Variants in EPGN observed in about 807,000 individuals in gnomAD.
The protein encoded by EPGN is epithelial mitogen.
In EPGN, 21 loss-of-function variants were observed where a neutral mutation model predicts 20.7. That is an observed-to-expected ratio of 1.01 (90% CI 0.72 to 1.46). The LOEUF (loss-of-function observed/expected upper bound fraction) is 1.46. Ranked by LOEUF, EPGN falls within the 40% of genes most tolerant of loss-of-function variation. The probability of loss-of-function intolerance (pLI) is 0.00; values close to 1 mark genes in which losing one functional copy is unlikely to be tolerated. For missense variants in EPGN, 199 were observed against 180.7 expected, an observed-to-expected ratio of 1.10 and a Z score of -0.58; for synonymous variants, 69 against 63.8, an observed-to-expected ratio of 1.08 and a Z score of -0.39.
chr4:74,315,037 G>A lies in EPGN; in HGVS notation c.*400G>A, dbSNP rs1263417046. The A allele has an allele frequency of 5.5e-6, 1 of 182,334 alleles. No homozygotes were observed. The highest frequency in any genetic ancestry group is 1.1e-5 in the Non-Finnish European group (1 of 88,170). The allele number at this position is 182,334 out of a possible 1,614,324, so 11.3% of individuals were successfully genotyped here. A position where few individuals can be genotyped will look rare whatever the true frequency, so the allele number is the denominator to read the frequency against. ...GGGTTCTTCATGTTCTTACTACCCA[G>A]CGTTTTTTACCACCTAGATGGGCCT... On this transcript the variant is annotated 3_prime_UTR_variant, in exon 5 of 5. Transcript: ENST00000413830.
intron 2 of EPGN, among the ~76,000 whole-genome samples, chr4:74,311,613 T>A (rs1053644947): frequency 6.6e-6 from 1 of 152,166 alleles, no homozygotes; most frequent in Admixed American, 6.5e-5. Flanking sequence ...CAATAAAGTA[T>A]GCCCCAAAGG....
chr4:74,315,567 T>G lies in EPGN; in HGVS notation c.*930T>G, dbSNP rs1173426677. On this transcript the variant is annotated 3_prime_UTR_variant, in exon 5 of 5. Coordinates refer to ENST00000413830, the MANE Select transcript of EPGN (RefSeq NM_001270989.2). ...AATTTTTTCACCAGACCACAGCATG[T>G]GGAAACTTTCTTTATCATTTTTGAA... Among the ~76,000 whole-genome samples the G allele has an allele frequency of 6.6e-6, 1 of 152,220 alleles. No individual in the cohort carries two copies. The highest frequency in any genetic ancestry group is 2.4e-5 in the African/African-American group (1 of 41,464).
intron 3 of EPGN, 108 bp downstream of exon 3, chr4:74,312,413 C>A (rs1222821050): frequency 7.7e-7 from 1 of 1,301,166 alleles, no homozygotes; most frequent in African/African-American, 1.5e-5. Flanking sequence ...TAAAAGGGTG[C>A]ATAATCTGAA....
In EPGN at chr4:74,315,638, G is replaced by GT; in HGVS notation, c.*1002dup. 6.6e-6 allele frequency among the ~76,000 whole-genome samples: 1 copy of GT among 152,210 alleles called. No individual in the cohort carries two copies. The highest frequency in any genetic ancestry group is 1.9e-4 in the East Asian group (1 of 5,176). ...CATAGAGGGAGAGAAAAAAAATGGA[G>GT]TAACAGTCAAAATAATAATAATCAG... On this transcript the variant is annotated 3_prime_UTR_variant, in exon 5 of 5. Coordinates refer to ENST00000413830, the MANE Select transcript of EPGN (RefSeq NM_001270989.2).
In EPGN at chr4:74,310,844, A is replaced by G. The variant is rs866703701; in HGVS notation, c.134-1341A>G. On this transcript the variant is annotated intron_variant, in intron 2 of 4. Transcript: ENST00000413830. ...CTAAAACATTGTAAACGCTATGCAA[A>G]TAGTTGTTATACTGCATTGTTTAGG... Among the ~76,000 whole-genome samples, 21 of 152,330 alleles carry G rather than the reference A, an allele frequency of 1.4e-4. No individual in the cohort carries two copies. The South Asian group carries it at 2.5e-3, about 18-fold the overall frequency.
At chr4:74,313,283 G>C in intron 4 of EPGN, 113 bp downstream of exon 4, 1 of 1,424,274 alleles carries the variant, frequency 7.0e-7, no homozygotes, top group Non-Finnish European at 9.1e-7. Flanking sequence ...AATTAAAAAA[G>C]AGCTGTAATC....
At position 74,309,122 on chromosome 4, in the gene EPGN, G is replaced by A. The variant is rs145322316; in HGVS notation, c.73G>A (p.Val25Met). 57 of 1,613,450 alleles carry A rather than the reference G, an allele frequency of 3.5e-5. No homozygotes were observed. Among genetic ancestry groups the A allele is most frequent in the East Asian group, 4.5e-5 (2 of 44,842 alleles). The change falls in exon 2 of 5, where the codon GTG becomes ATG. Residue 25 changes from valine (V) to methionine (M), a missense_variant. Transcript: ENST00000413830. ...GACAGCACTGACCGAAGAGGCAGCC[G>A]TGACTGTAACACCTCCAATCACAGC... Reference protein sequence around the residue: ...AMTALTEEAAVTVTPPITAQQ... With the variant: ...AMTALTEEAAMTVTPPITAQQ...
rs150235034 is a variant in EPGN at position 74,315,045 on chromosome 4, T to A, written c.*408T>A. Reference sequence around the variant, plus strand: ...CATGTTCTTACTACCCAGCGTTTTTTACCACCTAGATGGGCCTCTCTAAGT... The same window carrying A: ...CATGTTCTTACTACCCAGCGTTTTTAACCACCTAGATGGGCCTCTCTAAGT... On this transcript the variant is annotated 3_prime_UTR_variant, in exon 5 of 5. Coordinates refer to ENST00000413830, the MANE Select transcript of EPGN (RefSeq NM_001270989.2). 183 of 179,554 alleles carry A rather than the reference T, an allele frequency of 1.0e-3. 1 individual carries two copies. Among genetic ancestry groups the A allele is most frequent in the Non-Finnish European group, 1.9e-3 (160 of 86,156 alleles). 11.1% of individuals were successfully genotyped at this position (179,554 alleles called of 1,614,324 possible).
intron 2 of EPGN, 120 bp downstream of exon 2, chr4:74,309,302 C>A: frequency 1.5e-6 from 1 of 667,654 alleles, no homozygotes; most frequent in Non-Finnish European, 2.4e-6. Context: ...AGATAATCAG[C>A]TCTTTTAGCA....
chr4:74,311,073 A>C (rs1750911361), intron 2 of EPGN, among the ~76,000 whole-genome samples: 1 of 152,140 alleles, frequency 6.6e-6, no homozygotes, highest in South Asian at 2.1e-4. Flanking sequence ...AAAAATATCA[A>C]TCTAGTATCT....
chr4:74,308,659 T>C, intron 1 of EPGN, 83 bp downstream of exon 1: 1 of 1,224,194 alleles, frequency 8.2e-7, no homozygotes, highest in Non-Finnish European at 1.2e-6. Flanking sequence ...TAGAGAGAAG[T>C]TGGCTTCTAA....
chr4:74,314,419 G>A, intron 4 of EPGN, 161 bp from the exon 5 acceptor site: 4 of 667,242 alleles, frequency 6.0e-6, no homozygotes, highest in South Asian at 3.7e-5. Flanking sequence ...GCTGCCATGA[G>A]CCTGTTAATG....
chr4:74,312,114 C>T (rs1465628321), intron 2 of EPGN, 71 bp from the exon 3 acceptor site: 1 of 1,488,536 alleles, frequency 6.7e-7, no homozygotes, highest in Non-Finnish European at 9.0e-7. Flanking sequence ...AATTTATTTA[C>T]ATATGTATTA....
Position 74,313,126 on chromosome 4 carries a change from A to G in EPGN, c.363A>G (p.Leu121=), listed in dbSNP as rs1387130088. ...YIAIGIGVGL[L]LSGFLVIFYC... Reference sequence around the variant, plus strand: ...CAATTGGGATTGGTGTTGGATTACTATTAAGTGGTTTTCTTGTTATTTTTT... The same window carrying G: ...CAATTGGGATTGGTGTTGGATTACTGTTAAGTGGTTTTCTTGTTATTTTTT... The change falls in exon 4 of 5, where the codon CTA becomes CTG. Residue 121 remains leucine, a synonymous_variant. Transcript: ENST00000413830. 1.2e-6 allele frequency: 2 copies of G among 1,612,248 alleles called. No homozygotes were observed. The highest frequency in any genetic ancestry group is 1.7e-6 in the Non-Finnish European group (2 of 1,179,370).
rs1751184950 is a variant in EPGN, at chr4:74,314,694, A to C, written c.*57A>C. On this transcript the variant is annotated 3_prime_UTR_variant, in exon 5 of 5. Transcript: ENST00000413830. The stretch of plus-strand genomic sequence containing the variant: ...TGTAGAGATCAGTGAGCCCAAAATT[A>C]AAGTTTTCAGATGAAACAACAAAAC... 9 of 1,472,304 alleles carry C rather than the reference A, an allele frequency of 6.1e-6. No homozygotes were observed. The highest frequency in any genetic ancestry group is 7.3e-6 in the Non-Finnish European group (8 of 1,097,032). 91.2% of individuals were successfully genotyped at this position (1,472,304 alleles called of 1,614,324 possible).
At chr4:74,310,436 G>A (rs1213681502) in intron 2 of EPGN, among the ~76,000 whole-genome samples, 9 of 99,172 alleles carry the variant, frequency 9.1e-5, no homozygotes, top group African/African-American at 2.9e-4. Context: ...CACTCCAGCC[G>A]GGGTGACAGA....
chr4:74,314,069 C>T, intron 4 of EPGN: 1 of 455,556 alleles, frequency 2.2e-6, no homozygotes. Flanking sequence ...GAAGCGGAGC[C>T]TTCAGATAGA....
chr4:74,312,304 A>C lies in EPGN; in HGVS notation c.253A>C (p.Arg85=). ...FHHELEKAIC[R]CFTGYTGERC... is the part of the protein sequence containing the mutation. ...CCATGAGCTAGAGAAAGCCATCTGC[A>C]GGTAAATGCAAAGAAATATCCAAGT... Residue 85 remains arginine, a splice_region_variant and synonymous_variant, in exon 3 of 5, where the codon AGG becomes CGG. Transcript: ENST00000413830. 1 of 1,607,952 alleles carries C rather than the reference A, an allele frequency of 6.2e-7. No homozygotes were observed. The highest frequency in any genetic ancestry group is 8.5e-7 in the Non-Finnish European group (1 of 1,178,108).
Position 74,316,344 on chromosome 4 carries a change from G to C in EPGN, c.*1707G>C, listed in dbSNP as rs1381837409. Among the ~76,000 whole-genome samples, 1 of 151,524 alleles carries C rather than the reference G, an allele frequency of 6.6e-6. No homozygotes were observed. ...ATGGACTCTTTTTTTTTCCATTTGT[G>C]ATGTAGATAAGCAAGACAATTTTGA... On this transcript the variant is annotated 3_prime_UTR_variant, in exon 5 of 5. Coordinates refer to ENST00000413830, the MANE Select transcript of EPGN (RefSeq NM_001270989.2).
Sources: allele counts gnomAD v4.1 joint callset (sites outside exome capture counted in the v4.1 genomes callset), GRCh38; gene constraint gnomAD v4.1.1; transcripts MANE v1.5; gene names NCBI Gene and HGNC (gene_info 2026-07-23, HGNC 2026-07-21).